The following SMAP1 variants were observed in gnomAD, a reference collection of about 807,000 sequenced individuals.
SMAP1 encodes the protein stromal membrane-associated protein 1.
Under a neutral mutation model 58.5 loss-of-function variants are expected in SMAP1, and 24 were observed. That is an observed-to-expected ratio of 0.41 (90% confidence interval 0.30 to 0.58). SMAP1 has a LOEUF of 0.58. Among genes scored for constraint, SMAP1 ranks in the 20% least tolerant of loss-of-function variants. SMAP1 has a pLI of 0.29. For missense variants in SMAP1, 563 were observed against 566.3 expected, an observed-to-expected ratio of 0.99 and a Z score of 0.06; for synonymous variants, 216 against 196.6, an observed-to-expected ratio of 1.10 and a Z score of -0.82.
intron 6 of SMAP1, among the ~76,000 whole-genome samples, chr6:70,822,318 C>T (rs183128879): frequency 6.6e-6 from 1 of 152,104 alleles, no homozygotes; most frequent in Non-Finnish European, 1.5e-5. Context: ...ATTTCGTAGT[C>T]CTCACAATAG....
At chr6:70,695,879 A>G (rs1042777386) in intron 1 of SMAP1, among the ~76,000 whole-genome samples, 1 of 152,174 alleles carries the variant, frequency 6.6e-6, no homozygotes, top group Non-Finnish European at 1.5e-5. Context: ...TGTTTGATAG[A>G]ATTCAGCAGT....
rs372983684 is a variant in SMAP1, at chr6:70,828,808, A to G, written c.577-8133A>G. Among the ~76,000 whole-genome samples, 8 of 152,324 alleles carry G rather than the reference A, an allele frequency of 5.3e-5. 1 individual carries two copies. The South Asian group carries it at 6.2e-4, about 12-fold the overall frequency. The stretch of plus-strand genomic sequence containing the variant: ...GCCATTGCCAATTCCAGGGAGGTCA[A>G]TGCTTCAGTGAGTGGTGATTGCTCC... On this transcript the variant is annotated intron_variant, in intron 6 of 10. Transcript: ENST00000370455.
intron 4 of SMAP1, among the ~76,000 whole-genome samples, chr6:70,774,784 C>G (rs1053526710): frequency 4.0e-5 from 6 of 151,664 alleles, no homozygotes; most frequent in Non-Finnish European, 7.4e-5. Flanking sequence ...AATCCCAGCA[C>G]TTTGGGAGGC....
chr6:70,820,102 A>T (rs535925458), intron 6 of SMAP1, among the ~76,000 whole-genome samples: 1 of 152,116 alleles, frequency 6.6e-6, no homozygotes, highest in Non-Finnish European at 1.5e-5. Context: ...AGCTATAGGG[A>T]TGTGATTAAA....
intron 4 of SMAP1, among the ~76,000 whole-genome samples, chr6:70,788,928 C>T (rs1402422719): frequency 6.6e-6 from 1 of 152,068 alleles, no homozygotes; most frequent in African/African-American, 2.4e-5. Flanking sequence ...GGCAAGGAGA[C>T]CAGTTAGGAG....
At chr6:70,828,190 CTTTA>C (rs537744251) in intron 6 of SMAP1, among the ~76,000 whole-genome samples, 21 of 152,120 alleles carry the variant, frequency 1.4e-4, no homozygotes, top group South Asian at 2.1e-4. Context: ...AGTCAAAAGA[CTTTA>C]TTTGAGTAAA....
At chr6:70,848,654 C>T (rs977119530) in intron 7 of SMAP1, among the ~76,000 whole-genome samples, 1 of 151,982 alleles carries the variant, frequency 6.6e-6, no homozygotes, top group Non-Finnish European at 1.5e-5. Flanking sequence ...CATCTTGCAT[C>T]GGGACAAAAA....
At chr6:70,785,087 G>A (rs980810549) in intron 4 of SMAP1, among the ~76,000 whole-genome samples, 3 of 151,950 alleles carry the variant, frequency 2.0e-5, no homozygotes, top group Non-Finnish European at 4.4e-5. Flanking sequence ...AAAGAACAGA[G>A]ATTATAACAA....
intron 7 of SMAP1, chr6:70,837,666 C>CTTTT (rs11431598): frequency 4.0e-5 from 17 of 421,486 alleles, no homozygotes; most frequent in African/African-American, 1.4e-4. Flanking sequence ...TTCTCTCTCT[C>CTTTT]TCTTTTTTTT....
intron 1 of SMAP1, among the ~76,000 whole-genome samples, chr6:70,675,915 A>G (rs1022701695): frequency 3.9e-5 from 6 of 152,166 alleles, no homozygotes; most frequent in African/African-American, 1.4e-4. Context: ...TTTATGTTGA[A>G]TATCTGCTTT....
At chr6:70,684,543 A>G (rs765051338) in intron 1 of SMAP1, among the ~76,000 whole-genome samples, 8 of 152,320 alleles carry the variant, frequency 5.3e-5, no homozygotes, top group South Asian at 2.1e-4. Flanking sequence ...ATAACATTCT[A>G]ATGACCACCA....
intron 1 of SMAP1, among the ~76,000 whole-genome samples, chr6:70,705,147 C>A (rs1482060257): frequency 1.3e-5 from 2 of 152,090 alleles, no homozygotes; most frequent in Non-Finnish European, 2.9e-5. Flanking sequence ...AGTCTTTTCC[C>A]TTCTTCCATA....
intron 6 of SMAP1, among the ~76,000 whole-genome samples, chr6:70,802,446 T>C (rs1199715402): frequency 2.0e-5 from 3 of 152,244 alleles, no homozygotes; most frequent in South Asian, 2.1e-4. Context: ...AATCATGTCA[T>C]CTGCAAACAG....
chr6:70,857,574 T>A, intron 9 of SMAP1: 1 of 248,146 alleles, frequency 4.0e-6, no homozygotes, highest in Non-Finnish European at 7.8e-6. Context: ...AGCTCTCACT[T>A]CCCTGTTTCG....
At chr6:70,678,267 T>C (rs1056972168) in intron 1 of SMAP1, among the ~76,000 whole-genome samples, 2 of 152,228 alleles carry the variant, frequency 1.3e-5, no homozygotes, top group African/African-American at 4.8e-5. Flanking sequence ...CAGATGTCTC[T>C]TATTGATCTT....
chr6:70,811,519 T>A (rs558545253), intron 6 of SMAP1, among the ~76,000 whole-genome samples: 4 of 152,156 alleles, frequency 2.6e-5, no homozygotes, highest in African/African-American at 9.6e-5. Context: ...TTCCTTTGAA[T>A]ATAGTTGTCC....
At chr6:70,745,899 A>C (rs147681493) in intron 2 of SMAP1, among the ~76,000 whole-genome samples, 1 of 152,242 alleles carries the variant, frequency 6.6e-6, no homozygotes, top group East Asian at 1.9e-4. Flanking sequence ...CATCCCTTGT[A>C]AGTTGGATTC....
intron 10 of SMAP1, chr6:70,859,700 T>A: frequency 4.7e-6 from 1 of 211,912 alleles, no homozygotes; most frequent in Non-Finnish European, 9.3e-6. Flanking sequence ...TATGCTTTAT[T>A]GCATACAATG....
intron 6 of SMAP1, among the ~76,000 whole-genome samples, chr6:70,826,064 C>G (rs922020900): frequency 6.6e-6 from 1 of 152,176 alleles, no homozygotes; most frequent in Non-Finnish European, 1.5e-5. Context: ...ACTGCAACCA[C>G]TAGCAGCTAC....
Sources: allele counts gnomAD v4.1 joint callset (sites outside exome capture counted in the v4.1 genomes callset), GRCh38; gene constraint gnomAD v4.1.1; transcripts MANE v1.5; gene names NCBI Gene and HGNC (gene_info 2026-07-23, HGNC 2026-07-21).